The following SNAP47 variants were observed in gnomAD, a reference collection of about 807,000 sequenced individuals.
The protein encoded by SNAP47 is synaptosome associated protein 47, also known as synaptosomal-associated protein 47.
A neutral mutation model predicts 31.4 loss-of-function variants in SNAP47; 20 were observed. The ratio of observed to expected loss-of-function variants is 0.64; its 90% CI spans 0.45 to 0.93. SNAP47 has a LOEUF of 0.93. Among genes scored for constraint, SNAP47 ranks in the 40% least tolerant of loss-of-function variants. The pLI, the probability that SNAP47 is intolerant of heterozygous loss-of-function variation, is 0.00. For synonymous variants in SNAP47, 194 were observed against 213.4 expected, an observed-to-expected ratio of 0.91 and a Z score of 0.79; for missense variants, 492 against 528.5, an observed-to-expected ratio of 0.93 and a Z score of 0.68.
chr1:227,733,659 A>C (rs1313866240), upstream of SNAP47: 4 of 1,601,986 alleles, frequency 2.5e-6, no homozygotes, highest in Non-Finnish European at 3.4e-6. Context: ...AAGGAGCGGA[A>C]GATGTCAGCA....
At chr1:227,734,795 G>C, upstream of SNAP47, 1 of 1,614,016 alleles carries the variant, frequency 6.2e-7, no homozygotes, top group Non-Finnish European at 8.5e-7. Flanking sequence ...CCCACAGTTT[G>C]CAACTGGTAC....
At chr1:227,733,391 G>A (rs370323713), upstream of SNAP47, 29 of 1,566,184 alleles carry the variant, frequency 1.9e-5, no homozygotes, top group African/African-American at 3.4e-4. Flanking sequence ...CCCTGATAGG[G>A]GGCAGGAGAA....
intron 4 of SNAP47, among the ~76,000 whole-genome samples, chr1:227,773,046 C>T (rs1229238463): frequency 1.3e-5 from 2 of 151,886 alleles, no homozygotes; most frequent in South Asian, 2.1e-4. Flanking sequence ...CTGCAATCTC[C>T]GCCTCCCAGG....
intron 1 of SNAP47, among the ~76,000 whole-genome samples, chr1:227,743,178 C>T (rs1236965204): frequency 2.0e-5 from 3 of 152,230 alleles, no homozygotes; most frequent in Middle Eastern, 3.4e-3. Flanking sequence ...GCCTAGGGCT[C>T]CCTCTGGCCT....
intron 1 of SNAP47, among the ~76,000 whole-genome samples, chr1:227,736,739 G>A (rs1661227570): frequency 7.0e-6 from 1 of 142,176 alleles, no homozygotes; most frequent in Non-Finnish European, 1.5e-5. Context: ...CCAAGCCGGT[G>A]TTGAACGTTT....
At chr1:227,734,670 T>A (rs376894516), upstream of SNAP47, 1 of 1,613,748 alleles carries the variant, frequency 6.2e-7, no homozygotes, top group Non-Finnish European at 8.5e-7. Flanking sequence ...TGCCAGTCTT[T>A]GAGGTAGAGA....
chr1:227,734,023 C>T (rs12031943), upstream of SNAP47: 196 of 1,613,206 alleles, frequency 1.2e-4, no homozygotes, highest in East Asian at 3.8e-3. Flanking sequence ...CGTCCTCCAC[C>T]GGAAAGTCCC....
intron 1 of SNAP47, among the ~76,000 whole-genome samples, chr1:227,742,501 G>A (rs991590920): frequency 6.6e-6 from 1 of 152,222 alleles, no homozygotes; most frequent in Non-Finnish European, 1.5e-5. Context: ...TGTTTCCAGA[G>A]CTGTAAACTG....
intron 2 of SNAP47, among the ~76,000 whole-genome samples, chr1:227,751,344 C>T (rs1662338885): frequency 6.6e-6 from 1 of 152,214 alleles, no homozygotes; most frequent in Non-Finnish European, 1.5e-5. Flanking sequence ...ACCGCAGGCC[C>T]CACCGCCGGC....
intron 2 of SNAP47, among the ~76,000 whole-genome samples, chr1:227,750,221 G>A (rs1005109808): frequency 6.6e-6 from 1 of 152,240 alleles, no homozygotes; most frequent in African/African-American, 2.4e-5. Flanking sequence ...GATGGCAGGT[G>A]TGTGTTTTGC....
chr1:227,732,700 G>A, upstream of SNAP47: 1 of 1,609,374 alleles, frequency 6.2e-7, no homozygotes. Flanking sequence ...AGAGGCCAGT[G>A]AGCTAACACC....
chr1:227,739,716 C>T (rs564408557), intron 1 of SNAP47, among the ~76,000 whole-genome samples: 34 of 152,322 alleles, frequency 2.2e-4, no homozygotes, highest in Non-Finnish European at 4.3e-4. Context: ...TTGTACAGAT[C>T]GCCCTGCGTG....
chr1:227,752,832 A>G (rs1662462316), intron 2 of SNAP47, among the ~76,000 whole-genome samples: 2 of 129,386 alleles, frequency 1.5e-5, no homozygotes, highest in Admixed American at 1.5e-4. Flanking sequence ...TGAAACCTGC[A>G]GAGTCTCAGA....
intron 2 of SNAP47, among the ~76,000 whole-genome samples, chr1:227,756,599 C>T (rs1323321583): frequency 1.3e-5 from 2 of 152,344 alleles, no homozygotes; most frequent in Non-Finnish European, 2.9e-5. Flanking sequence ...AGCAGTGCCC[C>T]GATGGTGGTG....
chr1:227,752,975 T>G (rs1235470206), intron 2 of SNAP47, among the ~76,000 whole-genome samples: 1 of 152,204 alleles, frequency 6.6e-6, no homozygotes, highest in Non-Finnish European at 1.5e-5. Flanking sequence ...GAGTGAGTTG[T>G]TGGTTCTCAG....
At chr1:227,748,331 C>T in intron 2 of SNAP47, 98 bp downstream of exon 2, 1 of 1,310,534 alleles carries the variant, frequency 7.6e-7, no homozygotes, top group Admixed American at 2.9e-5. Context: ...ACCATATTTG[C>T]ACACATCCAG....
chr1:227,753,941 C>T (rs1238773268), intron 2 of SNAP47, among the ~76,000 whole-genome samples: 3 of 152,164 alleles, frequency 2.0e-5, no homozygotes, highest in African/African-American at 7.2e-5. Context: ...TTAGTTTAGC[C>T]ATCTGTAGGT....
intron 2 of SNAP47, among the ~76,000 whole-genome samples, chr1:227,749,134 G>A (rs1402689359): frequency 6.6e-6 from 1 of 152,124 alleles, no homozygotes; most frequent in Non-Finnish European, 1.5e-5. Context: ...TCTGTGTTTG[G>A]ATATTATTAA....
upstream of SNAP47, chr1:227,731,800 G>C (rs755490821): frequency 6.3e-6 from 1 of 158,818 alleles, no homozygotes; most frequent in Non-Finnish European, 1.4e-5. Flanking sequence ...CTCTCCAGCT[G>C]TCCACAGGCC....
Sources: allele counts gnomAD v4.1 joint callset (sites outside exome capture counted in the v4.1 genomes callset), GRCh38; gene constraint gnomAD v4.1.1; transcripts MANE v1.5; gene names NCBI Gene and HGNC (gene_info 2026-07-23, HGNC 2026-07-21).